The following TATDN1 variants were observed in gnomAD, a reference collection of about 807,000 sequenced individuals.
The protein encoded by TATDN1 is TatD DNase domain containing 1.
A neutral mutation model predicts 46.4 loss-of-function variants in TATDN1; 40 were observed. That is an observed-to-expected ratio of 0.86 (90% CI 0.67 to 1.12). The LOEUF (loss-of-function observed/expected upper bound fraction) is 1.12. Among genes scored for constraint, TATDN1 ranks in the 50% most tolerant of loss-of-function variants. The probability of loss-of-function intolerance (pLI) is 0.00; values close to 1 mark genes in which losing one functional copy is unlikely to be tolerated. For synonymous variants in TATDN1, 95 were observed against 105.6 expected (o/e 0.90, Z 0.62); for missense variants, 326 against 348.4 (o/e 0.94, Z 0.51).
At chr8:124,505,196 C>G (rs1017945255) in intron 8 of TATDN1, among the ~76,000 whole-genome samples, 2 of 151,076 alleles carry the variant, frequency 1.3e-5, no homozygotes, top group African/African-American at 4.9e-5. Flanking sequence ...ACCAGCCTGA[C>G]CAATGTGGAG....
At chr8:124,524,503 G>A (rs186713756) in intron 1 of TATDN1, among the ~76,000 whole-genome samples, 3 of 152,262 alleles carry the variant, frequency 2.0e-5, no homozygotes, top group Non-Finnish European at 2.9e-5. Context: ...AGGCCTTTCT[G>A]CCTAAAATAA....
chr8:124,495,480 A>G lies in TATDN1; in HGVS notation c.656T>C (p.Ile219Thr), dbSNP rs1253071826. ...TCTGAAAACAAACTTACCTGTCTCA[A>G]TCATTAATTTTTCACTAGGAATTGA... ...LKSIPSEKLMIETDAPWCGVK... is the reference protein window; with the variant it reads ...LKSIPSEKLMTETDAPWCGVK... Residue 219 changes from isoleucine to threonine, a missense_variant, in exon 10 of 12, where the codon ATT (isoleucine) becomes ACT (threonine). Transcript: ENST00000276692. The G allele has an allele frequency of 6.2e-6, 10 of 1,607,578 alleles. No homozygotes were observed. Among genetic ancestry groups the G allele is most frequent in the Non-Finnish European group, 7.6e-6 (9 of 1,177,784 alleles).
intron 6 of TATDN1, among the ~76,000 whole-genome samples, chr8:124,509,501 T>C (rs559637612): frequency 6.6e-6 from 1 of 152,252 alleles, no homozygotes; most frequent in South Asian, 2.1e-4. Context: ...AACACAGTGC[T>C]CCCCCTTGTT....
At chr8:124,530,017 G>A (rs563938384) in intron 1 of TATDN1, among the ~76,000 whole-genome samples, 22 of 152,232 alleles carry the variant, frequency 1.4e-4, no homozygotes, top group African/African-American at 5.1e-4. Context: ...CTTGAACCCG[G>A]GAGGCGGAGG....
chr8:124,517,433 A>C (rs539542935), intron 4 of TATDN1, among the ~76,000 whole-genome samples: 7 of 152,212 alleles, frequency 4.6e-5, no homozygotes, highest in Admixed American at 3.9e-4. Flanking sequence ...CTCAAAAAAA[A>C]AAAAAAAAAG....
chr8:124,504,082 G>T, intron 9 of TATDN1, 189 bp downstream of exon 9: 2 of 755,592 alleles, frequency 2.6e-6, no homozygotes, highest in Non-Finnish European at 4.1e-6. Flanking sequence ...TATAACTTTC[G>T]AGCTTTAACT....
chr8:124,519,473 A>G (rs1426184945), intron 3 of TATDN1, among the ~76,000 whole-genome samples: 1 of 152,196 alleles, frequency 6.6e-6, no homozygotes. Context: ...GAAAAAACAT[A>G]CAACTGTACT....
intron 3 of TATDN1, 159 bp downstream of exon 3, chr8:124,521,990 ATT>A (rs1462783302): frequency 6.3e-5 from 35 of 551,704 alleles, no homozygotes; most frequent in Non-Finnish European, 1.0e-4. Context: ...TGAACAGAGT[ATT>A]TTGATATTTT....
intron 8 of TATDN1, among the ~76,000 whole-genome samples, chr8:124,504,899 A>G (rs1586592984): frequency 6.7e-6 from 1 of 148,758 alleles, no homozygotes; most frequent in African/African-American, 2.5e-5. Flanking sequence ...AGCATGCGCC[A>G]CCACGCCTGG....
intron 1 of TATDN1, among the ~76,000 whole-genome samples, chr8:124,531,289 T>C (rs1012083160): frequency 2.0e-5 from 3 of 152,278 alleles, no homozygotes; most frequent in Admixed American, 1.3e-4. Flanking sequence ...TGACATTTAC[T>C]GGTGGGAATG....
rs189969946 is a variant in TATDN1 at position 124,524,709 on chromosome 8, G to A, written c.23-1707C>T. On this transcript the variant is annotated intron_variant, in intron 1 of 11. Transcript: ENST00000276692. ...ACAGAAGGGAAGGTTTTGCAGAAGG[G>A]GGAGGGACTGGGCTCAATTTTGAAT... Among the ~76,000 whole-genome samples the A allele has an allele frequency of 2.0e-5, 3 of 152,284 alleles. No individual in the cohort carries two copies. The East Asian group carries it at 5.8e-4, about 29-fold the overall frequency.
At chr8:124,511,755 G>C (rs1819038965) in intron 6 of TATDN1, among the ~76,000 whole-genome samples, 1 of 151,774 alleles carries the variant, frequency 6.6e-6, no homozygotes, top group Admixed American at 6.6e-5. Context: ...AAAAACAATA[G>C]CTAGCATCTT....
chr8:124,517,761 T>C (rs764739185), intron 4 of TATDN1, among the ~76,000 whole-genome samples: 31 of 152,220 alleles, frequency 2.0e-4, no homozygotes, highest in Non-Finnish European at 3.4e-4. Flanking sequence ...GATTATATAG[T>C]GTTATTATTT....
rs775706605 is a variant in TATDN1 at position 124,522,956 on chromosome 8, C to T, written c.69G>A (p.Arg23=). ...LTDPMFRGIY[R]GVQKHQDDLQ... The stretch of plus-strand genomic sequence containing the variant: ...ATTTACCTTGATGCTTTTGAACCCC[C>T]CTATAAATTCCTCTGAACATAGGGT... Residue 23 remains arginine, a synonymous_variant, in exon 2 of 12, where the codon AGG becomes AGA. Coordinates refer to ENST00000276692, the MANE Select transcript of TATDN1 (RefSeq NM_032026.4). 3.1e-6 allele frequency: 5 copies of T among 1,613,162 alleles called. No homozygotes were observed. The highest frequency in any genetic ancestry group is 1.3e-5 in the African/African-American group (1 of 74,906).
intron 9 of TATDN1, among the ~76,000 whole-genome samples, chr8:124,498,093 T>TTTTTTC (rs1817641628): frequency 6.6e-6 from 1 of 152,202 alleles, no homozygotes; most frequent in South Asian, 2.1e-4. Context: ...TATCTTGGCC[T>TTTTTTC]TTTTTCTTTC....
At chr8:124,520,650 T>G (rs16899656) in intron 3 of TATDN1, among the ~76,000 whole-genome samples, 13,737 of 150,994 alleles carry the variant, frequency 0.091, 709 homozygotes, top group East Asian at 0.16. Flanking sequence ...GTGTATAAAA[T>G]AACGATGATG....
chr8:124,489,337 C>G (rs932596889), intron 11 of TATDN1: 1 of 152,116 alleles, frequency 6.6e-6, no homozygotes, highest in Non-Finnish European at 1.5e-5. Flanking sequence ...CCTTCAGTTT[C>G]TTTCTTTCTC....
chr8:124,519,345 C>T (rs1819830634), intron 3 of TATDN1, among the ~76,000 whole-genome samples: 1 of 152,176 alleles, frequency 6.6e-6, no homozygotes, highest in Non-Finnish European at 1.5e-5. Context: ...TCTCACTCTA[C>T]TGCAAGTGTC....
At chr8:124,512,192 G>A (rs757295561) in intron 6 of TATDN1, among the ~76,000 whole-genome samples, 3 of 152,158 alleles carry the variant, frequency 2.0e-5, no homozygotes, top group Non-Finnish European at 4.4e-5. Context: ...GGAGGCCGTG[G>A]TGGGCGGATC....
Sources: allele counts gnomAD v4.1 joint callset (sites outside exome capture counted in the v4.1 genomes callset), GRCh38; gene constraint gnomAD v4.1.1; transcripts MANE v1.5; gene names NCBI Gene and HGNC (gene_info 2026-07-23, HGNC 2026-07-21).